Variants in CFAP299 observed in about 807,000 individuals in gnomAD.
CFAP299 encodes the protein cilia and flagella associated protein 299.
In CFAP299, 21 loss-of-function variants were observed where a neutral mutation model predicts 27.0. That is an observed-to-expected ratio of 0.78 (90% CI 0.55 to 1.12). The LOEUF (loss-of-function observed/expected upper bound fraction) is 1.12. Ranked by LOEUF, CFAP299 falls within the 50% of genes most tolerant of loss-of-function variation. CFAP299 has a pLI of 0.00. For missense variants in CFAP299, 310 were observed against 276.6 expected, an observed-to-expected ratio of 1.12 and a Z score of -0.86; for synonymous variants, 104 against 98.1, an observed-to-expected ratio of 1.06 and a Z score of -0.36.
At chr4:80,561,775 A>G (rs1578601458) in intron 2 of CFAP299, among the ~76,000 whole-genome samples, 1 of 152,114 alleles carries the variant, frequency 6.6e-6, no homozygotes, top group East Asian at 1.9e-4. Flanking sequence ...GAGACAAAAG[A>G]AAAAAGAATG....
At chr4:80,606,430 G>A (rs977381380) in intron 3 of CFAP299, among the ~76,000 whole-genome samples, 5 of 152,130 alleles carry the variant, frequency 3.3e-5, no homozygotes, top group Non-Finnish European at 7.4e-5. Flanking sequence ...AGCTACTCGG[G>A]GGGCTGAGGC....
chr4:80,418,058 G>A (rs1479034090), intron 2 of CFAP299, among the ~76,000 whole-genome samples: 1 of 152,128 alleles, frequency 6.6e-6, no homozygotes, highest in African/African-American at 2.4e-5. Flanking sequence ...TTTTGTTATA[G>A]CAGCATAAGT....
chr4:80,458,250 A>G (rs1035128765), intron 2 of CFAP299, among the ~76,000 whole-genome samples: 3 of 152,230 alleles, frequency 2.0e-5, no homozygotes, highest in African/African-American at 4.8e-5. Flanking sequence ...ACTAATTTTT[A>G]CAAATGTTTC....
At chr4:80,804,588 G>A (rs1728769959) in intron 3 of CFAP299, among the ~76,000 whole-genome samples, 3 of 152,032 alleles carry the variant, frequency 2.0e-5, no homozygotes, top group Admixed American at 6.6e-5. Flanking sequence ...ATAAATATGG[G>A]TATACAAATA....
At chr4:80,566,934 A>T (rs1735325993) in intron 2 of CFAP299, among the ~76,000 whole-genome samples, 1 of 152,102 alleles carries the variant, frequency 6.6e-6, no homozygotes, top group South Asian at 2.1e-4. Flanking sequence ...TATTAACTAG[A>T]GAAACTTGCC....
At chr4:80,421,854 T>A (rs11936703) in intron 2 of CFAP299, among the ~76,000 whole-genome samples, 29,175 of 152,194 alleles carry the variant, frequency 0.19, 2,976 homozygotes, top group South Asian at 0.29. Context: ...TCTTCTGGCA[T>A]TTCAAAGAAT....
At chr4:80,913,504 G>C (rs570212483) in intron 4 of CFAP299, among the ~76,000 whole-genome samples, 76 of 152,310 alleles carry the variant, frequency 5.0e-4, no homozygotes, top group African/African-American at 1.5e-3. Context: ...TAGTTTGGAA[G>C]AGTGTTTGAG....
At chr4:80,395,796 A>C (rs1203848452) in intron 2 of CFAP299, among the ~76,000 whole-genome samples, 2 of 152,216 alleles carry the variant, frequency 1.3e-5, no homozygotes, top group Non-Finnish European at 2.9e-5. Flanking sequence ...GCTCATTTTT[A>C]ATAAATTCAT....
At chr4:80,435,053 T>A (rs1468755786) in intron 2 of CFAP299, among the ~76,000 whole-genome samples, 2 of 152,062 alleles carry the variant, frequency 1.3e-5, no homozygotes, top group South Asian at 2.1e-4. Context: ...TAAGAAAGGT[T>A]TTTTGCTGGG....
intron 3 of CFAP299, among the ~76,000 whole-genome samples, chr4:80,795,489 A>T (rs1727803538): frequency 6.6e-6 from 1 of 152,136 alleles, no homozygotes; most frequent in African/African-American, 2.4e-5. Context: ...CCATCTGTGA[A>T]CCAGGCCCTA....
intron 3 of CFAP299, among the ~76,000 whole-genome samples, chr4:80,631,871 C>CCA (rs1553942336): frequency 4.1e-5 from 5 of 120,696 alleles, no homozygotes; most frequent in Non-Finnish European, 7.4e-5. Context: ...CCCACCCCCC[C>CCA]CCAACCAAAT....
intron 2 of CFAP299, among the ~76,000 whole-genome samples, chr4:80,466,584 T>TA (rs1729711883): frequency 1.3e-5 from 2 of 152,180 alleles, no homozygotes; most frequent in Non-Finnish European, 2.9e-5. Context: ...AAAACGATGG[T>TA]AAAAATGGCC....
chr4:80,688,112 G>A (rs182854868), intron 3 of CFAP299, among the ~76,000 whole-genome samples: 1,612 of 152,356 alleles, frequency 0.011, 22 homozygotes, highest in African/African-American at 0.036. Context: ...GAGGCTGGGG[G>A]AGGGGCGCCC....
intron 2 of CFAP299, among the ~76,000 whole-genome samples, chr4:80,382,782 A>G (rs1724772432): frequency 6.6e-6 from 1 of 152,202 alleles, no homozygotes; most frequent in Admixed American, 6.5e-5. Context: ...TCAACAAGCT[A>G]AAAACAGAAC....
chr4:80,347,574 G>A (rs1247384461), intron 1 of CFAP299, among the ~76,000 whole-genome samples: 1 of 152,112 alleles, frequency 6.6e-6, no homozygotes, highest in African/African-American at 2.4e-5. Context: ...GAGCTAACAA[G>A]GAAAGTGAAG....
intron 3 of CFAP299, among the ~76,000 whole-genome samples, chr4:80,639,368 A>G (rs1739608936): frequency 6.6e-6 from 1 of 152,336 alleles, no homozygotes; most frequent in East Asian, 1.9e-4. Flanking sequence ...GGCCAGAAGA[A>G]CATGGAGATG....
At position 80,842,158 on chromosome 4, in the gene CFAP299, A is replaced by G. The variant is rs72661734; in HGVS notation, c.334-27835A>G. ...GATATAAAAAGCAAATTACACACAG[A>G]TGAGAAGAGGCTACTGTATGTTGTT... On this transcript the variant is annotated intron_variant, in intron 3 of 5. Transcript: ENST00000358105. Among the ~76,000 whole-genome samples, 438 of 152,252 alleles carry G rather than the reference A, an allele frequency of 2.9e-3. 2 individuals are homozygous for G. Among genetic ancestry groups the G allele is most frequent in the Non-Finnish European group, 4.7e-3 (321 of 68,002 alleles).
intron 2 of CFAP299, among the ~76,000 whole-genome samples, chr4:80,572,071 A>G (rs182416842): frequency 6.6e-6 from 1 of 152,130 alleles, no homozygotes; most frequent in East Asian, 1.9e-4. Flanking sequence ...TACACAGGGT[A>G]GGTATATATA....
intron 5 of CFAP299, among the ~76,000 whole-genome samples, chr4:80,953,636 A>G (rs1486025202): frequency 6.6e-6 from 1 of 152,198 alleles, no homozygotes; most frequent in Non-Finnish European, 1.5e-5. Context: ...TATTTAAGGA[A>G]CAACCCCCAG....
Sources: allele counts gnomAD v4.1 joint callset (sites outside exome capture counted in the v4.1 genomes callset), GRCh38; gene constraint gnomAD v4.1.1; transcripts MANE v1.5; gene names NCBI Gene and HGNC (gene_info 2026-07-23, HGNC 2026-07-21).